Variants in C7orf78 observed in about 807,000 individuals in gnomAD.
The protein encoded by C7orf78 is putative uncharacterized protein C7orf78.
chr7:12,515,749 C>T, the C7orf78 span, among the ~76,000 whole-genome samples: 2 of 152,226 alleles, frequency 1.3e-5, no homozygotes, highest in Middle Eastern at 3.4e-3. Flanking sequence ...AAAGGTGACT[C>T]TTGTTTTGTT....
At chr7:12,525,187 GT>G in the C7orf78 span, among the ~76,000 whole-genome samples, 1 of 152,060 alleles carries the variant, frequency 6.6e-6, no homozygotes, top group Admixed American at 6.6e-5. Flanking sequence ...TACCCTCACT[GT>G]TTTGTGCCAC....
At chr7:12,521,268 G>C in the C7orf78 span, among the ~76,000 whole-genome samples, 5 of 151,788 alleles carry the variant, frequency 3.3e-5, no homozygotes, top group African/African-American at 9.7e-5. Context: ...ATTGTTTTCT[G>C]GTTGTTTTGT....
the C7orf78 span, among the ~76,000 whole-genome samples, chr7:12,524,585 C>A: frequency 6.6e-6 from 1 of 152,014 alleles, no homozygotes; most frequent in Non-Finnish European, 1.5e-5. Flanking sequence ...TGGCTCATAC[C>A]TGTAATCCCA....
the C7orf78 span, among the ~76,000 whole-genome samples, chr7:12,516,741 G>T: frequency 6.6e-6 from 1 of 152,170 alleles, no homozygotes; most frequent in African/African-American, 2.4e-5. Context: ...AGATCATTTT[G>T]GGGCTTTAAA....
chr7:12,494,088 G>C, the C7orf78 span, among the ~76,000 whole-genome samples: 9 of 152,152 alleles, frequency 5.9e-5, no homozygotes, highest in Non-Finnish European at 1.2e-4. Flanking sequence ...AAATAAGGTA[G>C]TGAAACAGGA....
the C7orf78 span, among the ~76,000 whole-genome samples, chr7:12,513,366 T>C: frequency 6.6e-6 from 1 of 152,144 alleles, no homozygotes; most frequent in Non-Finnish European, 1.5e-5. Context: ...GTTGTTGCTC[T>C]TGTTTTTATG....
the C7orf78 span, among the ~76,000 whole-genome samples, chr7:12,534,042 A>G: frequency 1.3e-5 from 2 of 152,192 alleles, no homozygotes; most frequent in African/African-American, 4.8e-5. Flanking sequence ...AATATTTGAT[A>G]TATTTAGCAC....
chr7:12,510,112 C>CT, the C7orf78 span, among the ~76,000 whole-genome samples: 1 of 148,816 alleles, frequency 6.7e-6, no homozygotes, highest in African/African-American at 2.5e-5. Flanking sequence ...TGTATATATA[C>CT]TTTTTTTAAT....
chr7:12,484,177 TGG>T, the C7orf78 span, among the ~76,000 whole-genome samples: 6 of 152,324 alleles, frequency 3.9e-5, no homozygotes, highest in South Asian at 1.2e-3. Context: ...TTTTTCAAAT[TGG>T]GCTAAGTAAT....
chr7:12,528,522 T>C, the C7orf78 span, among the ~76,000 whole-genome samples: 1 of 148,712 alleles, frequency 6.7e-6, no homozygotes, highest in Non-Finnish European at 1.5e-5. Context: ...AATGTCAGCT[T>C]TCTTAGTATA....
the C7orf78 span, among the ~76,000 whole-genome samples, chr7:12,486,486 A>G: frequency 6.6e-6 from 1 of 151,916 alleles, no homozygotes; most frequent in African/African-American, 2.4e-5. Flanking sequence ...AATATTTTAT[A>G]GTTTCATCAG....
chr7:12,539,896 G>A, the C7orf78 span, among the ~76,000 whole-genome samples: 1 of 152,218 alleles, frequency 6.6e-6, no homozygotes, highest in African/African-American at 2.4e-5. Context: ...TTGTTAGGAT[G>A]TCATGATCTG....
chr7:12,492,080 C>T, the C7orf78 span: 1 of 152,170 alleles, frequency 6.6e-6, no homozygotes, highest in Non-Finnish European at 1.5e-5. Flanking sequence ...TATGCTGACT[C>T]ACCCTCTCTC....
At chr7:12,497,573 C>G in the C7orf78 span, among the ~76,000 whole-genome samples, 3 of 152,192 alleles carry the variant, frequency 2.0e-5, no homozygotes, top group Admixed American at 6.5e-5. Flanking sequence ...GCACCCGGCT[C>G]GGAGGGTCCT....
chr7:12,503,170 A>G, the C7orf78 span, among the ~76,000 whole-genome samples: 21,681 of 133,434 alleles, frequency 0.16, 2,693 homozygotes, highest in Middle Eastern at 0.24. Flanking sequence ...CCAGCATGGC[A>G]CATGTATATG....
the C7orf78 span, among the ~76,000 whole-genome samples, chr7:12,490,446 C>T: frequency 2.0e-5 from 3 of 151,938 alleles, no homozygotes; most frequent in Admixed American, 2.0e-4. Context: ...AACATTGTAT[C>T]AAGAAGGCCA....
chr7:12,534,395 A>T, the C7orf78 span, among the ~76,000 whole-genome samples: 1 of 152,208 alleles, frequency 6.6e-6, no homozygotes, highest in African/African-American at 2.4e-5. Context: ...AGAAAACAAT[A>T]ACCTTTCTGC....
the C7orf78 span, among the ~76,000 whole-genome samples, chr7:12,503,043 T>C: frequency 1.7e-5 from 2 of 120,502 alleles, no homozygotes; most frequent in Non-Finnish European, 3.3e-5. Flanking sequence ...TGAGATCACA[T>C]GGACACAGGA....
the C7orf78 span, among the ~76,000 whole-genome samples, chr7:12,516,094 C>T: frequency 7.9e-5 from 12 of 152,180 alleles, no homozygotes; most frequent in African/African-American, 2.9e-4. Flanking sequence ...CAGATGTCTT[C>T]ACAGCAGACC....
Sources: allele counts gnomAD v4.1 joint callset (sites outside exome capture counted in the v4.1 genomes callset), GRCh38; gene constraint gnomAD v4.1.1; transcripts MANE v1.5; gene names NCBI Gene and HGNC (gene_info 2026-07-23, HGNC 2026-07-21).